SPIDR: variants seen among roughly 807,000 people sequenced by gnomAD.
SPIDR encodes scaffold protein involved in DNA repair.
SPIDR carries 93 observed loss-of-function variants against 104.6 expected under a neutral mutation model. The ratio of observed to expected loss-of-function variants is 0.89; its 90% CI spans 0.75 to 1.06. The LOEUF is 1.06. Among genes scored for constraint, SPIDR ranks in the 50% least tolerant of loss-of-function variants. SPIDR has a pLI of 0.00. For missense variants in SPIDR, 1,154 were observed against 1,111.2 expected (o/e 1.04, Z -0.55); for synonymous variants, 431 against 416.9 (o/e 1.03, Z -0.41).
At chr8:47,378,736 G>A (rs1330992859) in intron 5 of SPIDR, among the ~76,000 whole-genome samples, 27 of 152,200 alleles carry the variant, frequency 1.8e-4, no homozygotes, top group Non-Finnish European at 7.3e-5. Flanking sequence ...TTTCAAAGAA[G>A]GATCATTATG....
intron 11 of SPIDR, among the ~76,000 whole-genome samples, chr8:47,680,049 G>A (rs1450427421): frequency 6.6e-6 from 1 of 151,960 alleles, no homozygotes; most frequent in Non-Finnish European, 1.5e-5. Context: ...CGGTGCAGGT[G>A]ACAGAGTCTG....
chr8:47,292,450 C>T (rs1248979803), intron 4 of SPIDR, among the ~76,000 whole-genome samples: 1 of 152,146 alleles, frequency 6.6e-6, no homozygotes, highest in Admixed American at 6.5e-5. Flanking sequence ...GGTTTGTCTT[C>T]ATACATTTCA....
rs1378342336 is a variant in SPIDR at position 47,713,604 on chromosome 8, C to T, written c.2304C>T (p.Asp768=). The part of the protein sequence containing the change: ...LPGPVMLDSL[D]SATPVNSICS... ...GCCCGGTGATGCTCGACAGCCTGGA[C>T]TCTGCAACACCTGTCAACTCCATCT... The change falls in exon 16 of 20, where the codon GAC becomes GAT. Residue 768 remains aspartate (D), a synonymous_variant. Transcript: ENST00000297423. The T allele has an allele frequency of 6.2e-7, 1 of 1,614,196 alleles. No homozygotes were observed. Among genetic ancestry groups the T allele is most frequent in the South Asian group, 1.1e-5 (1 of 91,078 alleles).
At chr8:47,598,895 A>G (rs774388256) in intron 9 of SPIDR, 51 bp from the exon 10 acceptor site, 13 of 1,607,196 alleles carry the variant, frequency 8.1e-6, no homozygotes, top group South Asian at 2.2e-5. Context: ...TTGTTAGCCG[A>G]ACTGAAACTT....
chr8:47,342,097 G>T (rs782808396), intron 5 of SPIDR, among the ~76,000 whole-genome samples: 1 of 152,052 alleles, frequency 6.6e-6, no homozygotes, highest in Non-Finnish European at 1.5e-5. Flanking sequence ...CTAACTATTT[G>T]TACTAAGATT....
chr8:47,381,505 G>A (rs1211590346), intron 5 of SPIDR, among the ~76,000 whole-genome samples: 1 of 152,180 alleles, frequency 6.6e-6, no homozygotes, highest in Non-Finnish European at 1.5e-5. Flanking sequence ...CTTTCCTTAT[G>A]GTGCTACTGA....
upstream of SPIDR, chr8:47,260,883 C>T: frequency 3.4e-6 from 4 of 1,169,126 alleles, no homozygotes; most frequent in Non-Finnish European, 2.1e-6. Context: ...CCGCCAATGG[C>T]AGGGCGCGGT....
intron 5 of SPIDR, among the ~76,000 whole-genome samples, chr8:47,319,539 G>A (rs535864895): frequency 6.6e-6 from 1 of 152,272 alleles, no homozygotes; most frequent in South Asian, 2.1e-4. Flanking sequence ...AGATCAGTGA[G>A]ACAGAAAGTT....
intron 8 of SPIDR, among the ~76,000 whole-genome samples, chr8:47,583,530 A>AGATCTGTAGAGAGATTGTAAAGGC (rs1446297193): frequency 7.2e-5 from 11 of 152,198 alleles, no homozygotes; most frequent in Non-Finnish European, 1.5e-5. Context: ...TGTGACAATG[A>AGATCTGTAGAGAGATTGTAAAGGC]GATCTGTAGA....
At chr8:47,377,139 T>G (rs929473321) in intron 5 of SPIDR, among the ~76,000 whole-genome samples, 1 of 152,250 alleles carries the variant, frequency 6.6e-6, no homozygotes, top group East Asian at 1.9e-4. Context: ...CCTAAATGGC[T>G]TCCATCTCTG....
chr8:47,670,418 A>G (rs888258866), intron 10 of SPIDR, among the ~76,000 whole-genome samples: 12 of 152,230 alleles, frequency 7.9e-5, no homozygotes, highest in African/African-American at 2.9e-4. Context: ...AAACAAAACA[A>G]GATTAGACTA....
intron 8 of SPIDR, among the ~76,000 whole-genome samples, chr8:47,528,636 G>A (rs529510765): frequency 1.5e-3 from 228 of 152,188 alleles, no homozygotes; most frequent in Middle Eastern, 0.01. Flanking sequence ...CCTAGAAACC[G>A]AAGGCACCAT....
At chr8:47,296,738 T>C (rs1678750389) in intron 5 of SPIDR, among the ~76,000 whole-genome samples, 1 of 152,202 alleles carries the variant, frequency 6.6e-6, no homozygotes, top group African/African-American at 2.4e-5. Context: ...GGGTTTTTTG[T>C]GGTTCCATAT....
chr8:47,722,783 T>C (rs2083589488), intron 16 of SPIDR, among the ~76,000 whole-genome samples: 3 of 147,050 alleles, frequency 2.0e-5, no homozygotes, highest in Non-Finnish European at 4.5e-5. Flanking sequence ...TTTTTCATCC[T>C]TTTTTTTTTT....
At chr8:47,658,892 C>T (rs992420648) in intron 10 of SPIDR, among the ~76,000 whole-genome samples, 14 of 149,386 alleles carry the variant, frequency 9.4e-5, no homozygotes, top group East Asian at 7.9e-4. Flanking sequence ...GCCAAGATAG[C>T]GCAATTGCAT....
In SPIDR at chr8:47,396,580, A is replaced by C. The variant is rs781794960; in HGVS notation, c.730A>C (p.Lys244Gln). The stretch of plus-strand genomic sequence containing the variant: ...GCATACACCTCAGAAACCCACAGCT[A>C]AGTTTCCCAGGACTCCAGAAAATTC... ...ILHTPQKPTA[K>Q]FPRTPENSAK... is the part of the protein sequence containing the mutation. Residue 244 changes from lysine (K) to glutamine (Q), a missense_variant, in exon 6 of 20, where the codon AAG becomes CAG. Physicochemically the swap from Lys to Gln is moderately conservative, Grantham distance 53. Transcript: ENST00000297423. 26 of 1,614,028 alleles carry C rather than the reference A, an allele frequency of 1.6e-5. No homozygotes were observed. The highest frequency in any genetic ancestry group is 2.2e-5 in the Non-Finnish European group (26 of 1,180,018).
chr8:47,511,579 C>G (rs138296597), intron 8 of SPIDR: 96 of 783,536 alleles, frequency 1.2e-4, no homozygotes, highest in Non-Finnish European at 2.0e-4. Flanking sequence ...GCTGAATCCA[C>G]TCTTGCAGAG....
At chr8:47,570,266 C>T (rs535232154) in intron 8 of SPIDR, among the ~76,000 whole-genome samples, 1 of 152,266 alleles carries the variant, frequency 6.6e-6, no homozygotes, top group South Asian at 2.1e-4. Context: ...CTAAACCCCT[C>T]TATGGTCAGT....
At chr8:47,611,863 T>G (rs2063652734) in intron 10 of SPIDR, among the ~76,000 whole-genome samples, 1 of 152,118 alleles carries the variant, frequency 6.6e-6, no homozygotes, top group Admixed American at 6.6e-5. Context: ...TAAAATTACC[T>G]GAGAGGAAGG....
Sources: allele counts gnomAD v4.1 joint callset (sites outside exome capture counted in the v4.1 genomes callset), GRCh38; gene constraint gnomAD v4.1.1; transcripts MANE v1.5; gene names NCBI Gene and HGNC (gene_info 2026-07-23, HGNC 2026-07-21).